The following SFMBT2 variants were observed in gnomAD, a reference collection of about 807,000 sequenced individuals.
SFMBT2 encodes the protein scm-like with four MBT domains protein 2.
Under a neutral mutation model 110.1 loss-of-function variants are expected in SFMBT2, and 38 were observed. That is an observed-to-expected ratio of 0.35 (90% confidence interval 0.27 to 0.45). The LOEUF is 0.45. SFMBT2 is among the 20% of genes least tolerant of loss of function. SFMBT2 has a pLI of 1.00. For synonymous variants in SFMBT2, 425 were observed against 425.4 expected (o/e 1.00, Z 0.01); for missense variants, 1,011 against 1,094.9 (o/e 0.92, Z 1.08).
intron 7 of SFMBT2, among the ~76,000 whole-genome samples, chr10:7,275,115 G>A (rs1023854378): frequency 8.5e-5 from 13 of 152,214 alleles, no homozygotes; most frequent in Non-Finnish European, 1.8e-4. Flanking sequence ...GTGAGGCCCC[G>A]GGTGCCCTGG....
In SFMBT2 at chr10:7,197,539, G is replaced by A. The variant is rs748237761; in HGVS notation, c.1698+9C>T. The A allele has an allele frequency of 3.5e-5, 57 of 1,612,460 alleles. No individual in the cohort carries two copies. Among genetic ancestry groups the A allele is most frequent in the Middle Eastern group, 1.6e-4 (1 of 6,076 alleles). On this transcript the variant is annotated intron_variant, in intron 15 of 20. Transcript: ENST00000397167. Reference sequence around the variant, plus strand: ...AAAATAAGCCAAGGTGATTGTGCACGGGCTTTACCTCTTTAAGAACCAGCA... The same window carrying A: ...AAAATAAGCCAAGGTGATTGTGCACAGGCTTTACCTCTTTAAGAACCAGCA...
intron 1 of SFMBT2, among the ~76,000 whole-genome samples, chr10:7,392,946 A>C (rs1461076762): frequency 1.4e-5 from 2 of 140,800 alleles, no homozygotes; most frequent in Non-Finnish European, 3.1e-5. Flanking sequence ...AGATGTTTAT[A>C]TCCTGTCTAT....
In SFMBT2 at chr10:7,355,866, G is replaced by A. The variant is rs7915660; in HGVS notation, c.436+11783C>T. 6.9e-3 allele frequency among the ~76,000 whole-genome samples: 1,053 copies of A among 152,262 alleles called. 8 individuals carry two copies. The highest frequency in any genetic ancestry group is 0.044 in the Middle Eastern group (13 of 294). On this transcript the variant is annotated intron_variant, in intron 4 of 20. Coordinates refer to ENST00000397167, the MANE Select transcript of SFMBT2 (RefSeq NM_001387889.1). Reference sequence around the variant, plus strand: ...CCCCAGTCAATGTATACAACTGTTGGAAATTCTGTACTAATTTCTTCCAGA... The same window carrying A: ...CCCCAGTCAATGTATACAACTGTTGAAAATTCTGTACTAATTTCTTCCAGA...
At chr10:7,194,389 C>T (rs1210103634) in intron 15 of SFMBT2, among the ~76,000 whole-genome samples, 1 of 152,170 alleles carries the variant, frequency 6.6e-6, no homozygotes, top group Non-Finnish European at 1.5e-5. Context: ...CAGACAGAAC[C>T]CAGAACTGGA....
intron 1 of SFMBT2, among the ~76,000 whole-genome samples, chr10:7,392,739 C>T: frequency 6.6e-6 from 1 of 151,798 alleles, no homozygotes; most frequent in East Asian, 1.9e-4. Flanking sequence ...TTAGTCAGAT[C>T]TATCAATTTG....
intron 20 of SFMBT2, among the ~76,000 whole-genome samples, chr10:7,164,864 C>A (rs1837656579): frequency 6.6e-6 from 1 of 152,114 alleles, no homozygotes; most frequent in African/African-American, 2.4e-5. Context: ...TGTGTCCTGC[C>A]TCAGCCTTTC....
chr10:7,393,713 G>A (rs1451715132), intron 1 of SFMBT2, among the ~76,000 whole-genome samples: 1 of 152,190 alleles, frequency 6.6e-6, no homozygotes, highest in Non-Finnish European at 1.5e-5. Flanking sequence ...AAGTCACTAA[G>A]TTCTGCTAAT....
chr10:7,330,021 G>T (rs1054595759), intron 4 of SFMBT2, among the ~76,000 whole-genome samples: 1 of 152,136 alleles, frequency 6.6e-6, no homozygotes, highest in Non-Finnish European at 1.5e-5. Context: ...GAAACCCTTT[G>T]CACGATTTCT....
intron 8 of SFMBT2, 26 bp from the exon 9 acceptor site, chr10:7,243,731 A>C (rs1311025818): frequency 1.2e-6 from 1 of 862,630 alleles, no homozygotes; most frequent in Non-Finnish European, 2.0e-6. Context: ...TGGGGGAGCC[A>C]AAGGTTAATT....
At chr10:7,358,718 C>CGTGGCTCTGG (rs2132031035) in intron 4 of SFMBT2, among the ~76,000 whole-genome samples, 1 of 151,716 alleles carries the variant, frequency 6.6e-6, no homozygotes, top group Non-Finnish European at 1.5e-5. Context: ...GGAATGAAGG[C>CGTGGCTCTGG]ATGGCTCTTG....
intron 7 of SFMBT2, among the ~76,000 whole-genome samples, chr10:7,271,126 A>T (rs1841564602): frequency 1.3e-5 from 2 of 151,856 alleles, no homozygotes; most frequent in African/African-American, 4.8e-5. Context: ...CTCTACTAAA[A>T]ATACAAAAAA....
intron 20 of SFMBT2, among the ~76,000 whole-genome samples, chr10:7,167,976 G>A (rs1159462527): frequency 1.3e-5 from 2 of 152,004 alleles, no homozygotes; most frequent in Non-Finnish European, 2.9e-5. Context: ...GCTGAGGCAG[G>A]AGAATCGCTT....
rs115481225 is a variant in SFMBT2 at position 7,212,618 on chromosome 10, T to A, written c.1331-6690A>T. 1.1e-3 allele frequency among the ~76,000 whole-genome samples: 170 copies of A among 152,356 alleles called. 1 individual carries two copies. Among genetic ancestry groups the A allele is most frequent in the African/African-American group, 3.9e-3 (163 of 41,582 alleles). The stretch of plus-strand genomic sequence containing the variant: ...GACTACTACGTGCTAACATGACTCT[T>A]ACACTCTATCGATGTTCATCCACTT... On this transcript the variant is annotated intron_variant, in intron 11 of 20. Coordinates refer to ENST00000397167, the MANE Select transcript of SFMBT2 (RefSeq NM_001387889.1).
chr10:7,353,540 T>G (rs1844396343), intron 4 of SFMBT2, among the ~76,000 whole-genome samples: 1 of 151,974 alleles, frequency 6.6e-6, no homozygotes, highest in Middle Eastern at 3.2e-3. Flanking sequence ...GGGCTATGGT[T>G]GAGTACCATT....
At chr10:7,204,368 G>A (rs1262532465) in intron 12 of SFMBT2, 1 of 985,286 alleles carries the variant, frequency 1.0e-6, no homozygotes, top group Non-Finnish European at 1.2e-6. Flanking sequence ...CACAGAACAG[G>A]CTGTTAGGAA....
chr10:7,168,628 G>A (rs759753459), intron 20 of SFMBT2, among the ~76,000 whole-genome samples: 4 of 152,310 alleles, frequency 2.6e-5, no homozygotes, highest in South Asian at 2.1e-4. Context: ...CGCTTATCTC[G>A]CCGCAGCACC....
chr10:7,219,023 A>T (rs533301283), intron 11 of SFMBT2, among the ~76,000 whole-genome samples: 21 of 152,356 alleles, frequency 1.4e-4, no homozygotes, highest in East Asian at 3.9e-4. Context: ...AGGATAAAAC[A>T]TGGGCTTTTA....
chr10:7,173,828 C>A (rs1428949786), intron 17 of SFMBT2, among the ~76,000 whole-genome samples: 1 of 152,174 alleles, frequency 6.6e-6, no homozygotes, highest in Non-Finnish European at 1.5e-5. Context: ...AATGCACCAC[C>A]CCTGGTTTGC....
intron 4 of SFMBT2, among the ~76,000 whole-genome samples, chr10:7,345,156 A>G (rs987567909): frequency 2.0e-5 from 3 of 151,966 alleles, no homozygotes; most frequent in African/African-American, 7.3e-5. Context: ...AGAAAGCTGA[A>G]TGGCTTCCCT....
Sources: gnomAD v4.1 joint callset for allele counts (sites outside exome capture counted in the v4.1 genomes callset) on GRCh38, gnomAD v4.1.1 for gene constraint, MANE v1.5 for transcripts, NCBI Gene and HGNC (gene_info 2026-07-23, HGNC 2026-07-21) for gene names.